TOM1L2: variants seen among roughly 807,000 people sequenced by gnomAD.
TOM1L2 encodes the protein TOM1-like protein 2.
In TOM1L2, 31 loss-of-function variants were observed where a neutral mutation model predicts 67.9. That is an observed-to-expected ratio of 0.46 (90% CI 0.34 to 0.62). TOM1L2 has a LOEUF of 0.62. Among genes scored for constraint, TOM1L2 ranks in the 20% least tolerant of loss-of-function variants. TOM1L2 has a pLI of 0.01. For synonymous variants in TOM1L2, 256 were observed against 254.0 expected (o/e 1.01, Z -0.07); for missense variants, 606 against 663.5 (o/e 0.91, Z 0.95).
chr17:17,954,003 G>A (rs1278806360), intron 1 of TOM1L2, among the ~76,000 whole-genome samples: 1 of 152,166 alleles, frequency 6.6e-6, no homozygotes, highest in Non-Finnish European at 1.5e-5. Context: ...AAATCCCACC[G>A]GCTCAACATA....
In TOM1L2 at chr17:17,893,414, T is replaced by C. The variant is rs181717552; in HGVS notation, c.366+247A>G. Among the ~76,000 whole-genome samples the C allele has an allele frequency of 5.3e-5, 8 of 152,332 alleles. No individual in the cohort carries two copies. In the East Asian group the frequency reaches 9.6e-4, roughly 18 times the overall value. Reference sequence around the variant, plus strand: ...CCTGTTGAGGCCACCCTACCTGCCTTTGTGAGCAGCAGAGGGATGGCACCC... The same window carrying C: ...CCTGTTGAGGCCACCCTACCTGCCTCTGTGAGCAGCAGAGGGATGGCACCC... On this transcript the variant is annotated intron_variant, in intron 4 of 14. Transcript: ENST00000379504.
intron 2 of TOM1L2, among the ~76,000 whole-genome samples, chr17:17,903,176 G>A (rs2038932485): frequency 6.6e-6 from 1 of 151,664 alleles, no homozygotes; most frequent in Non-Finnish European, 1.5e-5. Context: ...CTCTCTCCCT[G>A]CCCCCCACCC....
intron 1 of TOM1L2, among the ~76,000 whole-genome samples, chr17:17,926,169 T>C (rs1041994032): frequency 1.1e-4 from 17 of 148,488 alleles, no homozygotes; most frequent in Non-Finnish European, 1.6e-4. Context: ...AAACTCTGTC[T>C]CTTGGAGAAA....
chr17:17,953,317 T>C (rs759998682), intron 1 of TOM1L2, among the ~76,000 whole-genome samples: 1 of 152,230 alleles, frequency 6.6e-6, no homozygotes, highest in Non-Finnish European at 1.5e-5. Flanking sequence ...TGTTATGTTA[T>C]GTGTATTTTA....
intron 1 of TOM1L2, among the ~76,000 whole-genome samples, chr17:17,914,292 T>C (rs139758979): frequency 0.013 from 2,052 of 152,270 alleles, 45 homozygotes; most frequent in African/African-American, 0.046. Context: ...CACACTGCTG[T>C]CTCAGTGGCT....
chr17:17,964,336 T>C (rs949380316), intron 1 of TOM1L2, among the ~76,000 whole-genome samples: 4 of 152,234 alleles, frequency 2.6e-5, no homozygotes, highest in Admixed American at 2.0e-4. Context: ...CTCTGGGCAA[T>C]GTATTTACAC....
At chr17:17,962,352 G>A (rs971556388) in intron 1 of TOM1L2, among the ~76,000 whole-genome samples, 2 of 150,828 alleles carry the variant, frequency 1.3e-5, no homozygotes, top group African/African-American at 2.4e-5. Context: ...ATGGAGTCTC[G>A]CTCTGTCACC....
At chr17:17,898,531 G>T (rs1000038483) in intron 3 of TOM1L2, 65 bp downstream of exon 3, 26 of 1,551,452 alleles carry the variant, frequency 1.7e-5, no homozygotes, top group Non-Finnish European at 2.1e-5. Flanking sequence ...GCCCTGTGAG[G>T]GGGGCAAGGC....
At chr17:17,863,093 G>A (rs966520692) in intron 10 of TOM1L2, among the ~76,000 whole-genome samples, 5 of 152,214 alleles carry the variant, frequency 3.3e-5, no homozygotes, top group African/African-American at 9.6e-5. Flanking sequence ...ACAAAAAAGA[G>A]ATTGCTGGGG....
At chr17:17,911,117 G>C (rs999887550) in intron 1 of TOM1L2, among the ~76,000 whole-genome samples, 1 of 152,174 alleles carries the variant, frequency 6.6e-6, no homozygotes, top group Non-Finnish European at 1.5e-5. Context: ...AGGGTGGGTG[G>C]GCAGAAAAAC....
chr17:17,930,730 C>T (rs1309913907), intron 1 of TOM1L2, among the ~76,000 whole-genome samples: 1 of 152,064 alleles, frequency 6.6e-6, no homozygotes, highest in African/African-American at 2.4e-5. Flanking sequence ...AACAAGAAGG[C>T]TGAAAACCAA....
intron 1 of TOM1L2, among the ~76,000 whole-genome samples, chr17:17,916,365 G>A (rs150125461): frequency 1.5e-3 from 225 of 152,226 alleles, no homozygotes; most frequent in Non-Finnish European, 2.3e-3. Context: ...GAATCACCGC[G>A]CCCGGCCTAT....
intron 2 of TOM1L2, among the ~76,000 whole-genome samples, chr17:17,901,446 A>G (rs911195683): frequency 2.6e-5 from 4 of 152,184 alleles, no homozygotes. Context: ...CCTCTGGGCC[A>G]TGATCAGGCT....
At chr17:17,866,491 C>A in intron 9 of TOM1L2, 72 bp from the exon 10 acceptor site, 1 of 1,489,340 alleles carries the variant, frequency 6.7e-7, no homozygotes, top group Non-Finnish European at 9.0e-7. Flanking sequence ...GCTGGCAAGG[C>A]AACTATGCAG....
intron 1 of TOM1L2, among the ~76,000 whole-genome samples, chr17:17,914,721 T>G (rs377333411): frequency 1.3e-5 from 2 of 152,168 alleles, no homozygotes; most frequent in Admixed American, 1.3e-4. Flanking sequence ...CCTCTGGCTG[T>G]GTATTGCATT....
rs73979241 is a variant in TOM1L2 at position 17,937,358 on chromosome 17, G to A, written c.53-29827C>T. On this transcript the variant is annotated intron_variant, in intron 1 of 14. Transcript: ENST00000379504. ...TCAACCAATAAGGAAATGGTAGCCT[G>A]TGTGCCAATATCCACCCCTGATGAA... 9.1e-3 allele frequency among the ~76,000 whole-genome samples: 1,393 copies of A among 152,284 alleles called. 20 individuals are homozygous for A. The highest frequency in any genetic ancestry group is 0.029 in the African/African-American group (1,225 of 41,548).
intron 2 of TOM1L2, among the ~76,000 whole-genome samples, chr17:17,906,124 CTCTTT>C (rs2039086534): frequency 8.3e-6 from 1 of 121,192 alleles, no homozygotes; most frequent in Non-Finnish European, 1.6e-5. Flanking sequence ...GTTTTGTCTT[CTCTTT>C]TCATTTTTTT....
intron 4 of TOM1L2, among the ~76,000 whole-genome samples, chr17:17,889,156 C>T (rs1056023187): frequency 1.3e-5 from 2 of 152,068 alleles, no homozygotes; most frequent in African/African-American, 2.4e-5. Flanking sequence ...TGTCTTTTGG[C>T]GGGTTGAGGG....
intron 2 of TOM1L2, among the ~76,000 whole-genome samples, chr17:17,904,985 A>G (rs1043593357): frequency 2.6e-5 from 4 of 151,994 alleles, no homozygotes; most frequent in African/African-American, 9.7e-5. Flanking sequence ...GGCATCCCGT[A>G]GCTGCTATAC....
Sources: gnomAD v4.1 joint callset for allele counts (sites outside exome capture counted in the v4.1 genomes callset) on GRCh38, gnomAD v4.1.1 for gene constraint, MANE v1.5 for transcripts, NCBI Gene and HGNC (gene_info 2026-07-23, HGNC 2026-07-21) for gene names.